The following PTPRD variants were observed in gnomAD, a reference collection of about 807,000 sequenced individuals.
The protein encoded by PTPRD is receptor-type tyrosine-protein phosphatase delta.
Under a neutral mutation model 214.5 loss-of-function variants are expected in PTPRD, and 34 were observed. The ratio of observed to expected loss-of-function variants is 0.16; its 90% confidence interval spans 0.12 to 0.21. The LOEUF (loss-of-function observed/expected upper bound fraction) is 0.21, where lower values mean the gene tolerates loss of function less well. Among genes scored for constraint, PTPRD ranks in the 10% least tolerant of loss-of-function variants. The pLI, the probability that PTPRD is intolerant of heterozygous loss-of-function variation, is 1.00. For synonymous variants in PTPRD, 1,128 were observed against 845.7 expected, an observed-to-expected ratio of 1.33 and a Z score of -5.79; for missense variants, 2,545 against 2,398.7, an observed-to-expected ratio of 1.06 and a Z score of -1.27.
chr9:8,823,564 T>C (rs1330955044), intron 11 of PTPRD, among the ~76,000 whole-genome samples: 1 of 151,790 alleles, frequency 6.6e-6, no homozygotes, highest in Non-Finnish European at 1.5e-5. Flanking sequence ...GGCGGGAAGA[T>C]CACCTGGGCC....
chr9:8,825,908 T>C (rs1183242071), intron 11 of PTPRD, among the ~76,000 whole-genome samples: 1 of 152,174 alleles, frequency 6.6e-6, no homozygotes, highest in Non-Finnish European at 1.5e-5. Context: ...TTGGTGTTGG[T>C]GGGTTTTGGC....
chr9:10,609,598 T>G (rs183285906), intron 2 of PTPRD, among the ~76,000 whole-genome samples: 2 of 151,980 alleles, frequency 1.3e-5, no homozygotes, highest in Admixed American at 6.5e-5. Context: ...TAAAGAAAAA[T>G]GTGCATTTGC....
chr9:8,344,839 A>G (rs908079151), intron 39 of PTPRD, among the ~76,000 whole-genome samples: 1 of 151,914 alleles, frequency 6.6e-6, no homozygotes, highest in South Asian at 2.1e-4. Context: ...GTTAACTCTT[A>G]TTAACGTTAA....
chr9:10,123,579 C>A lies in PTPRD; in HGVS notation c.-544-89789G>T, dbSNP rs2098793191. 2.0e-5 allele frequency among the ~76,000 whole-genome samples: 3 copies of A among 151,966 alleles called. No homozygotes were observed. In the South Asian group the frequency reaches 6.2e-4, roughly 32 times the overall value. On this transcript the variant is annotated intron_variant, in intron 3 of 45. Transcript: ENST00000381196. ...AACCATCTTGTTATATAACTACTGA[C>A]AAAAGTGGCTTGTGAAAAAGAATCC... is the stretch of plus-strand genomic sequence containing the variant.
At chr9:8,996,408 T>C (rs10977429) in intron 11 of PTPRD, among the ~76,000 whole-genome samples, 8,847 of 152,084 alleles carry the variant, frequency 0.058, 295 homozygotes, top group Middle Eastern at 0.095. Context: ...TTATATGATG[T>C]TCTGGAAAAA....
rs545468428 is a variant in PTPRD, at chr9:10,105,724, G to A, written c.-544-71934C>T. On this transcript the variant is annotated intron_variant, in intron 3 of 45. Transcript: ENST00000381196. ...ACATGCTACTTGTGTTCATATTATT[G>A]TATATAAGAAGCTTCTGAAAAACCT... 1.3e-4 allele frequency among the ~76,000 whole-genome samples: 19 copies of A among 151,758 alleles called. No individual in the cohort carries two copies. The South Asian group carries it at 3.1e-3, about 25-fold the overall frequency.
chr9:9,570,206 C>T (rs763715972), intron 8 of PTPRD, among the ~76,000 whole-genome samples: 4 of 151,444 alleles, frequency 2.6e-5, no homozygotes, highest in East Asian at 1.9e-4. Flanking sequence ...GTATTATCAT[C>T]ATTATTATTA....
At chr9:10,173,600 T>C (rs535708266) in intron 3 of PTPRD, among the ~76,000 whole-genome samples, 6 of 152,228 alleles carry the variant, frequency 3.9e-5, no homozygotes, top group South Asian at 4.2e-4. Context: ...AAATAACAAT[T>C]GGCCCTAAAA....
At chr9:10,553,516 AG>A (rs2061808617) in intron 2 of PTPRD, among the ~76,000 whole-genome samples, 1 of 152,114 alleles carries the variant, frequency 6.6e-6, no homozygotes, top group Non-Finnish European at 1.5e-5. Context: ...AAAATATGCA[AG>A]TATGTACATA....
At chr9:9,743,255 G>C (rs984084719) in intron 6 of PTPRD, among the ~76,000 whole-genome samples, 1 of 152,090 alleles carries the variant, frequency 6.6e-6, no homozygotes, top group African/African-American at 2.4e-5. Context: ...AGATCCTTTG[G>C]AGGGAGGTAG....
chr9:9,344,978 G>T (rs2048267782), intron 9 of PTPRD, among the ~76,000 whole-genome samples: 1 of 151,978 alleles, frequency 6.6e-6, no homozygotes, highest in South Asian at 2.1e-4. Context: ...CATGAAAATT[G>T]GTGGGGAAAA....
At chr9:9,047,044 A>G (rs2099673969) in intron 10 of PTPRD, among the ~76,000 whole-genome samples, 1 of 151,972 alleles carries the variant, frequency 6.6e-6, no homozygotes, top group South Asian at 2.1e-4. Flanking sequence ...AAAGCTATTA[A>G]AACTGATAAA....
rs61237271 is a variant in PTPRD, at chr9:9,721,571, G to T, written c.-287+12962C>A. ...CATGACAAGTTGATAGGAAAAGCCC[G>T]CATTTTGCTAAGATACAGTCATGAT... On this transcript the variant is annotated intron_variant, in intron 7 of 45. Transcript: ENST00000381196. Among the ~76,000 whole-genome samples the T allele has an allele frequency of 3.3e-5, 5 of 152,180 alleles. No individual in the cohort carries two copies. In the East Asian group the frequency reaches 7.7e-4, roughly 24 times the overall value.
intron 8 of PTPRD, among the ~76,000 whole-genome samples, chr9:9,494,289 A>G (rs184911277): frequency 6.6e-6 from 1 of 152,376 alleles, no homozygotes; most frequent in East Asian, 1.9e-4. Context: ...AAGCAGTGAC[A>G]TGATTTGAGA....
intron 34 of PTPRD, among the ~76,000 whole-genome samples, chr9:8,449,430 A>G (rs2095853486): frequency 6.6e-6 from 1 of 152,224 alleles, no homozygotes; most frequent in South Asian, 2.1e-4. Context: ...TGGAAATAAT[A>G]AAAACAATAA....
chr9:9,456,879 G>A (rs905154622), intron 8 of PTPRD, among the ~76,000 whole-genome samples: 59 of 151,830 alleles, frequency 3.9e-4, no homozygotes, highest in African/African-American at 1.4e-3. Flanking sequence ...ACTAAAATGT[G>A]ATATTTTCAA....
At chr9:9,123,233 A>ATG (rs1415925035) in intron 10 of PTPRD, among the ~76,000 whole-genome samples, 1 of 152,084 alleles carries the variant, frequency 6.6e-6, no homozygotes, top group East Asian at 1.9e-4. Context: ...GTGCCATGTC[A>ATG]CTCCAACTCA....
intron 9 of PTPRD, among the ~76,000 whole-genome samples, chr9:9,340,211 T>A (rs1464329528): frequency 6.6e-6 from 1 of 152,072 alleles, no homozygotes; most frequent in African/African-American, 2.4e-5. Flanking sequence ...CCATAATCAA[T>A]ATGTGGATAA....
chr9:9,987,140 T>C (rs928995111), intron 4 of PTPRD, among the ~76,000 whole-genome samples: 3 of 152,300 alleles, frequency 2.0e-5, no homozygotes, highest in East Asian at 3.9e-4. Context: ...AATTATGTTT[T>C]TTGAACTCCA....
Sources: gnomAD v4.1 joint callset for allele counts (sites outside exome capture counted in the v4.1 genomes callset) on GRCh38, gnomAD v4.1.1 for gene constraint, MANE v1.5 for transcripts, NCBI Gene and HGNC (gene_info 2026-07-23, HGNC 2026-07-21) for gene names.